ZNF385D: variants seen among roughly 807,000 people sequenced by gnomAD.
ZNF385D encodes zinc finger protein 385D.
A neutral mutation model predicts 35.8 loss-of-function variants in ZNF385D; 15 were observed. The ratio of observed to expected loss-of-function variants is 0.42; its 90% confidence interval spans 0.28 to 0.64. ZNF385D has a LOEUF of 0.64. Among genes scored for constraint, ZNF385D ranks in the 30% least tolerant of loss-of-function variants. The probability of loss-of-function intolerance (pLI) is 0.23; values close to 1 mark genes in which losing one functional copy is unlikely to be tolerated. For missense variants in ZNF385D, 474 were observed against 494.6 expected (o/e 0.96, Z 0.39); for synonymous variants, 212 against 186.8 (o/e 1.13, Z -1.10).
At chr3:22,199,188 T>TTTTAG (rs1305642493) in intron 2 of ZNF385D, among the ~76,000 whole-genome samples, 2 of 151,982 alleles carry the variant, frequency 1.3e-5, no homozygotes, top group Non-Finnish European at 2.9e-5. Context: ...AGGTCTGAAG[T>TTTTAG]TTTAGTTTCT....
chr3:21,537,759 A>G (rs1437948268), intron 3 of ZNF385D, among the ~76,000 whole-genome samples: 4 of 152,100 alleles, frequency 2.6e-5, no homozygotes, highest in African/African-American at 9.6e-5. Context: ...CCCAGAGGCC[A>G]TGTTTCATAG....
At chr3:21,912,495 T>A (rs1445675649) in intron 3 of ZNF385D, among the ~76,000 whole-genome samples, 1 of 151,996 alleles carries the variant, frequency 6.6e-6, no homozygotes, top group East Asian at 1.9e-4. Flanking sequence ...TAAATCCGAA[T>A]GTGTACAGAG....
chr3:22,063,381 T>C (rs555716415), intron 3 of ZNF385D, among the ~76,000 whole-genome samples: 1 of 152,238 alleles, frequency 6.6e-6, no homozygotes, highest in South Asian at 2.1e-4. Context: ...AAAAATTGAA[T>C]AAAGCCTCAG....
intron 2 of ZNF385D, among the ~76,000 whole-genome samples, chr3:21,581,956 G>T (rs1429655359): frequency 6.6e-6 from 1 of 152,078 alleles, no homozygotes; most frequent in Non-Finnish European, 1.5e-5. Flanking sequence ...ACCTTTCTTA[G>T]ATTAAAATTT....
At chr3:21,632,731 C>G (rs942110825) in intron 2 of ZNF385D, among the ~76,000 whole-genome samples, 5 of 152,178 alleles carry the variant, frequency 3.3e-5, no homozygotes, top group South Asian at 4.1e-4. Context: ...TGTAGTGGGT[C>G]ATACATCATC....
chr3:21,434,651 G>T (rs917751456), intron 5 of ZNF385D, among the ~76,000 whole-genome samples: 2 of 152,116 alleles, frequency 1.3e-5, no homozygotes, highest in Non-Finnish European at 2.9e-5. Context: ...GACAGAGGGG[G>T]TCAAACAGCA....
At chr3:21,979,753 A>G (rs187296504) in intron 3 of ZNF385D, 1 of 152,324 alleles carries the variant, frequency 6.6e-6, no homozygotes, top group Admixed American at 6.5e-5. Flanking sequence ...TGAAGAGGAG[A>G]TAAGTAGAGA....
intron 3 of ZNF385D, among the ~76,000 whole-genome samples, chr3:21,815,134 A>G (rs547293757): frequency 5.9e-5 from 9 of 152,232 alleles, no homozygotes; most frequent in Non-Finnish European, 1.0e-4. Flanking sequence ...TTTGAAACCA[A>G]TGAGAACAAA....
Position 21,939,426 on chromosome 3 carries a change from T to C in ZNF385D, c.325+229391A>G, listed in dbSNP as rs577786705. Among the ~76,000 whole-genome samples, 84 of 152,286 alleles carry C rather than the reference T, an allele frequency of 5.5e-4. 2 individuals carry two copies. The South Asian group carries it at 0.017, about 30-fold the overall frequency. On this transcript the variant is annotated intron_variant, in intron 3 of 5. Coordinates refer to the ZNF385D transcript ENST00000494108. ...AGTTTGACCTGACTGTACAACTTTT[T>C]ACCATAGAACTCAGAAAGAATTTAG...
At chr3:21,834,049 T>C (rs1245566142) in intron 3 of ZNF385D, among the ~76,000 whole-genome samples, 2 of 152,108 alleles carry the variant, frequency 1.3e-5, no homozygotes, top group African/African-American at 4.8e-5. Context: ...ATTTTATATA[T>C]GTGACCTTTG....
chr3:21,475,772 A>C (rs1158147372), intron 4 of ZNF385D, among the ~76,000 whole-genome samples: 36 of 152,156 alleles, frequency 2.4e-4, no homozygotes, highest in Non-Finnish European at 1.6e-4. Context: ...AGTGTAAGGC[A>C]GGGAAGATTA....
At chr3:22,170,075 C>T (rs913988284) in intron 2 of ZNF385D, among the ~76,000 whole-genome samples, 2 of 152,208 alleles carry the variant, frequency 1.3e-5, no homozygotes, top group African/African-American at 4.8e-5. Flanking sequence ...ACTACCCAAG[C>T]CTCTCTAGCA....
At chr3:22,310,056 A>G (rs1250357018) in intron 2 of ZNF385D, among the ~76,000 whole-genome samples, 2 of 152,002 alleles carry the variant, frequency 1.3e-5, no homozygotes, top group Non-Finnish European at 2.9e-5. Context: ...CCAAGCAGAA[A>G]TAAGACCTCC....
At chr3:21,789,410 G>A (rs2071830713) in intron 3 of ZNF385D, among the ~76,000 whole-genome samples, 1 of 152,114 alleles carries the variant, frequency 6.6e-6, no homozygotes, top group African/African-American at 2.4e-5. Flanking sequence ...GGAGATCTAG[G>A]GCAGAATGTT....
At chr3:21,726,371 AAAG>A (rs1320182523) in intron 1 of ZNF385D, among the ~76,000 whole-genome samples, 1 of 152,190 alleles carries the variant, frequency 6.6e-6, no homozygotes, top group Non-Finnish European at 1.5e-5. Context: ...TCAAATAGGT[AAAG>A]AAGAAGTCAA....
At chr3:21,873,745 G>C (rs1243078442) in intron 3 of ZNF385D, among the ~76,000 whole-genome samples, 1 of 152,048 alleles carries the variant, frequency 6.6e-6, no homozygotes, top group African/African-American at 2.4e-5. Flanking sequence ...TTGTCCTTTT[G>C]TGACTGGTTT....
At chr3:22,066,130 G>A (rs971664967) in intron 3 of ZNF385D, among the ~76,000 whole-genome samples, 1 of 151,926 alleles carries the variant, frequency 6.6e-6, no homozygotes, top group African/African-American at 2.4e-5. Context: ...GATGTGATAG[G>A]AGGAAAAAAA....
chr3:21,550,229 A>G (rs1049609243), intron 3 of ZNF385D, among the ~76,000 whole-genome samples: 10 of 152,198 alleles, frequency 6.6e-5, no homozygotes, highest in Non-Finnish European at 1.3e-4. Context: ...ACAGCTAAAC[A>G]GCATTTCCTT....
At chr3:22,067,112 T>G (rs1699998478) in intron 3 of ZNF385D, among the ~76,000 whole-genome samples, 1 of 152,204 alleles carries the variant, frequency 6.6e-6, no homozygotes, top group African/African-American at 2.4e-5. Context: ...GTTAAAGTAA[T>G]GGTACAGGCA....
Sources: gnomAD v4.1 joint callset for allele counts (sites outside exome capture counted in the v4.1 genomes callset) on GRCh38, gnomAD v4.1.1 for gene constraint, MANE v1.5 for transcripts, NCBI Gene and HGNC (gene_info 2026-07-23, HGNC 2026-07-21) for gene names.